AP1G1: variants seen among roughly 807,000 people sequenced by gnomAD.
AP1G1 encodes the protein AP-1 complex subunit gamma-1.
In AP1G1, 7 loss-of-function variants were observed where a neutral mutation model predicts 108.3. The ratio of observed to expected loss-of-function variants is 0.06; its 90% confidence interval spans 0.04 to 0.12. AP1G1 has a LOEUF of 0.12. Ranked by LOEUF, AP1G1 falls within the 10% of genes least tolerant of loss-of-function variation. AP1G1 has a pLI of 1.00. For synonymous variants in AP1G1, 379 were observed against 353.5 expected, an observed-to-expected ratio of 1.07 and a Z score of -0.81; for missense variants, 756 against 1,010.7, an observed-to-expected ratio of 0.75 and a Z score of 3.42.
At chr16:71,764,956 C>A (rs1408312538) in intron 7 of AP1G1, among the ~76,000 whole-genome samples, 1 of 152,222 alleles carries the variant, frequency 6.6e-6, no homozygotes, top group African/African-American at 2.4e-5. Flanking sequence ...ACCCACACTT[C>A]AGTACTCCAC....
intron 9 of AP1G1, among the ~76,000 whole-genome samples, chr16:71,762,366 G>C (rs551542528): frequency 6.6e-6 from 1 of 152,080 alleles, no homozygotes; most frequent in Non-Finnish European, 1.5e-5. Context: ...TAAATCCCTT[G>C]GAATTTCCTG....
At chr16:71,734,521 G>GA in intron 22 of AP1G1, 88 bp downstream of exon 22, 2 of 1,130,680 alleles carry the variant, frequency 1.8e-6, no homozygotes, top group South Asian at 2.6e-5. Context: ...CTATGAGTCA[G>GA]AAAAACCTAA....
At chr16:71,736,118 ATATATATAT>A (rs773394477) in intron 21 of AP1G1, among the ~76,000 whole-genome samples, 51 of 57,120 alleles carry the variant, frequency 8.9e-4, no homozygotes, top group African/African-American at 3.1e-3. Context: ...AAAAAAAAAA[ATATATATAT>A]ATATATATAT....
chr16:71,808,198 AAAC>A, intron 1 of AP1G1: 1 of 994,492 alleles, frequency 1.0e-6, no homozygotes, highest in Non-Finnish European at 1.2e-6. Flanking sequence ...GAAAAAAACA[AAAC>A]AACAACATAT....
chr16:71,739,139 A>C (rs1299657386), intron 20 of AP1G1, 37 bp from the exon 21 acceptor site: 2 of 1,612,500 alleles, frequency 1.2e-6, no homozygotes, highest in South Asian at 1.1e-5. Flanking sequence ...TATTGTAGTC[A>C]GCCTAATGCT....
At chr16:71,773,592 T>C (rs981857815) in intron 3 of AP1G1, among the ~76,000 whole-genome samples, 1 of 152,070 alleles carries the variant, frequency 6.6e-6, no homozygotes, top group African/African-American at 2.4e-5. Flanking sequence ...ACCAAAGCAG[T>C]GGAAGTTGAA....
At chr16:71,770,413 C>T (rs2031524821) in intron 5 of AP1G1, among the ~76,000 whole-genome samples, 1 of 152,228 alleles carries the variant, frequency 6.6e-6, no homozygotes, top group African/African-American at 2.4e-5. Context: ...CCATTTAATT[C>T]CTCTGTTTTA....
In AP1G1 at chr16:71,732,718, T is replaced by C. The variant is rs998654102; in HGVS notation, c.*340A>G. ...AAAGTGAGTGTTTTTTCGCCATGGATTGCAGTCCTCTCCTCCAGACCAGCT... is the reference window on the plus strand; with the variant it reads ...AAAGTGAGTGTTTTTTCGCCATGGACTGCAGTCCTCTCCTCCAGACCAGCT... On this transcript the variant is annotated 3_prime_UTR_variant, in exon 23 of 23. Coordinates refer to ENST00000299980, the MANE Select transcript of AP1G1 (RefSeq NM_001128.6). 2 of 208,648 alleles carry C rather than the reference T, an allele frequency of 9.6e-6. No homozygotes were observed. The highest frequency in any genetic ancestry group is 2.3e-5 in the African/African-American group (1 of 43,482). 12.9% of individuals were successfully genotyped at this position (208,648 alleles called of 1,614,324 possible).
chr16:71,777,548 C>A, intron 2 of AP1G1: 1 of 343,388 alleles, frequency 2.9e-6, no homozygotes, highest in South Asian at 2.3e-5. Flanking sequence ...TGTCTGTTCC[C>A]ACCCCAACCT....
intron 1 of AP1G1, chr16:71,808,304 G>C: frequency 1.2e-6 from 1 of 803,014 alleles, no homozygotes; most frequent in South Asian, 2.0e-5. Flanking sequence ...GCACTGCAGG[G>C]GCAGGCAGCG....
Position 71,750,218 on chromosome 16 carries a change from A to G in AP1G1, c.1399T>C (p.Tyr467His). 1.2e-6 allele frequency: 2 copies of G among 1,613,834 alleles called. No homozygotes were observed. Among genetic ancestry groups the G allele is most frequent in the Non-Finnish European group, 1.7e-6 (2 of 1,179,928 alleles). Residue 467 changes from tyrosine (Y) to histidine (H), a missense_variant, in exon 14 of 23, where the codon TAT (tyrosine) becomes CAT (histidine). Physicochemically the swap from Tyr to His is moderately conservative, Grantham distance 83. Coordinates refer to ENST00000299980, the MANE Select transcript of AP1G1 (RefSeq NM_001128.6). ...QRLYKAILGD[Y>H]SQQPLVQVAA... ...TTGAATGAAGTACTTACTTGAGAAT[A>G]ATCACCAAGAATTGCTTTGTACAGG... is the stretch of plus-strand genomic sequence containing the variant.
chr16:71,770,067 T>C (rs2031511098), intron 5 of AP1G1, among the ~76,000 whole-genome samples: 1 of 152,148 alleles, frequency 6.6e-6, no homozygotes, highest in African/African-American at 2.4e-5. Flanking sequence ...AACAGATAAT[T>C]CAAGAGGCAA....
chr16:71,756,454 G>C (rs76632112), intron 11 of AP1G1: 2 of 253,748 alleles, frequency 7.9e-6, no homozygotes, highest in East Asian at 1.5e-4. Context: ...TACAAAGGTG[G>C]AAGTTAGAAT....
intron 15 of AP1G1, 81 bp downstream of exon 15, chr16:71,749,813 C>T (rs965229375): frequency 9.2e-5 from 112 of 1,218,918 alleles, no homozygotes; most frequent in South Asian, 2.9e-4. Flanking sequence ...AAGGAATCAA[C>T]CTCAACTCCC....
At chr16:71,792,980 C>T (rs11645725) in intron 1 of AP1G1, among the ~76,000 whole-genome samples, 34,734 of 151,890 alleles carry the variant, frequency 0.23, 4,627 homozygotes, top group Non-Finnish European at 0.31. Context: ...ATAGCCTGGG[C>T]GACATGCTGA....
chr16:71,797,117 C>T (rs2032614997), intron 1 of AP1G1, among the ~76,000 whole-genome samples: 2 of 151,604 alleles, frequency 1.3e-5, no homozygotes, highest in Admixed American at 1.3e-4. Flanking sequence ...TCTAATCTGA[C>T]ACTAATGAAA....
Position 71,729,554 on chromosome 16 carries a change from G to C in AP1G1, c.*3504C>G, listed in dbSNP as rs1176950410. On this transcript the variant is annotated 3_prime_UTR_variant, in exon 23 of 23. Coordinates refer to ENST00000299980, the MANE Select transcript of AP1G1 (RefSeq NM_001128.6). ...ATTTCCTTCTGTTAAAGTGTTCCAG[G>C]TCCTGGAACCCTGTCGATGGGACCC... 2.0e-5 allele frequency: 3 copies of C among 152,448 alleles called. No individual in the cohort carries two copies. Among genetic ancestry groups the C allele is most frequent in the Non-Finnish European group, 4.4e-5 (3 of 68,014 alleles). 9.4% of individuals were successfully genotyped at this position (152,448 alleles called of 1,614,324 possible).
intron 12 of AP1G1, among the ~76,000 whole-genome samples, chr16:71,754,265 AGAAGGAAAGAAGATG>A (rs1054820721): frequency 1.3e-5 from 2 of 151,494 alleles, no homozygotes; most frequent in African/African-American, 2.4e-5. Flanking sequence ...AAGAAAAGAA[AGAAGGAAAGAAGATG>A]GAAGGAAAGA....
intron 19 of AP1G1, 31 bp downstream of exon 19, chr16:71,745,113 C>T (rs748516213): frequency 6.2e-7 from 1 of 1,609,754 alleles, no homozygotes; most frequent in Admixed American, 1.7e-5. Context: ...CTATCTTTTC[C>T]CAGGTATTAA....
Sources: allele counts gnomAD v4.1 joint callset (sites outside exome capture counted in the v4.1 genomes callset), GRCh38; gene constraint gnomAD v4.1.1; transcripts MANE v1.5; gene names NCBI Gene and HGNC (gene_info 2026-07-23, HGNC 2026-07-21).